Variants in NEGR1 observed in about 807,000 individuals in gnomAD.
NEGR1 encodes the protein IgLON family member 4.
Under a neutral mutation model 40.9 loss-of-function variants are expected in NEGR1, and 10 were observed. The ratio of observed to expected loss-of-function variants is 0.24; its 90% confidence interval spans 0.15 to 0.42. The LOEUF is 0.42. Ranked by LOEUF, NEGR1 falls within the 10% of genes least tolerant of loss-of-function variation. The pLI is 1.00. For synonymous variants in NEGR1, 185 were observed against 166.8 expected, an observed-to-expected ratio of 1.11 and a Z score of -0.84; for missense variants, 352 against 438.9, an observed-to-expected ratio of 0.80 and a Z score of 1.77.
At chr1:71,886,618 T>C (rs930426792) in intron 2 of NEGR1, among the ~76,000 whole-genome samples, 2 of 152,144 alleles carry the variant, frequency 1.3e-5, no homozygotes, top group African/African-American at 4.8e-5. Context: ...TCTGAAACAG[T>C]AATATAGGTG....
intron 6 of NEGR1, among the ~76,000 whole-genome samples, chr1:71,577,016 G>A (rs1343321497): frequency 6.6e-6 from 1 of 152,164 alleles, no homozygotes; most frequent in Non-Finnish European, 1.5e-5. Flanking sequence ...AGTTGTTTAA[G>A]TCATTGTTAT....
intron 1 of NEGR1, among the ~76,000 whole-genome samples, chr1:71,956,926 C>A (rs1268122514): frequency 6.6e-6 from 1 of 152,126 alleles, no homozygotes; most frequent in Non-Finnish European, 1.5e-5. Flanking sequence ...TTCCATGAAA[C>A]TACTTCCCTG....
At chr1:71,807,550 T>G (rs551193176) in intron 2 of NEGR1, among the ~76,000 whole-genome samples, 1 of 152,282 alleles carries the variant, frequency 6.6e-6, no homozygotes, top group African/African-American at 2.4e-5. Flanking sequence ...GAATTGAGGT[T>G]AATGGAAATT....
rs192198604 is a variant in NEGR1, at chr1:71,795,202, G to C, written c.410-18905C>G. On this transcript the variant is annotated intron_variant, in intron 2 of 6. Transcript: ENST00000357731. The stretch of plus-strand genomic sequence containing the variant: ...TATATCACTACAATTTCATTTCTAA[G>C]TATTTGAATGCCCTAGAGGAAATAC... 1.3e-3 allele frequency among the ~76,000 whole-genome samples: 198 copies of C among 151,906 alleles called. 1 individual carries two copies. The highest frequency in any genetic ancestry group is 3.3e-3 in the African/African-American group (136 of 41,478).
At chr1:72,238,674 T>C (rs1341412264) in intron 1 of NEGR1, among the ~76,000 whole-genome samples, 2 of 151,884 alleles carry the variant, frequency 1.3e-5, no homozygotes, top group Admixed American at 1.3e-4. Flanking sequence ...TACTGTCCTC[T>C]TTCCTTTGTG....
chr1:72,157,272 T>C (rs962382281), intron 1 of NEGR1, among the ~76,000 whole-genome samples: 1 of 152,096 alleles, frequency 6.6e-6, no homozygotes, highest in Non-Finnish European at 1.5e-5. Flanking sequence ...TGTCCAGCCC[T>C]GTTTGTTTGT....
At chr1:71,801,800 T>A (rs1318533647) in intron 2 of NEGR1, among the ~76,000 whole-genome samples, 2 of 152,234 alleles carry the variant, frequency 1.3e-5, no homozygotes, top group African/African-American at 4.8e-5. Flanking sequence ...TTATCTGTTA[T>A]GTACTGCATT....
chr1:72,057,667 A>G (rs770994680), intron 1 of NEGR1, among the ~76,000 whole-genome samples: 4 of 151,358 alleles, frequency 2.6e-5, no homozygotes, highest in Non-Finnish European at 5.9e-5. Flanking sequence ...ATAATAAAAT[A>G]CCATGAATTG....
At chr1:71,940,294 T>A (rs926090039) in intron 1 of NEGR1, among the ~76,000 whole-genome samples, 2 of 152,180 alleles carry the variant, frequency 1.3e-5, no homozygotes, top group African/African-American at 2.4e-5. Flanking sequence ...CTTTCCTTGA[T>A]AGTGGTTTTT....
chr1:71,434,906 A>T (rs1646496973), intron 6 of NEGR1, among the ~76,000 whole-genome samples: 1 of 152,164 alleles, frequency 6.6e-6, no homozygotes, highest in Admixed American at 6.5e-5. Flanking sequence ...CCTGGCTAAA[A>T]CGGTGAAACC....
intron 4 of NEGR1, among the ~76,000 whole-genome samples, chr1:71,662,813 TCA>T (rs1433987733): frequency 4.6e-5 from 7 of 151,892 alleles, no homozygotes; most frequent in Non-Finnish European, 1.0e-4. Flanking sequence ...TAAAACTAGT[TCA>T]GTTTTATTAA....
At chr1:71,788,138 T>A (rs1656979354) in intron 2 of NEGR1, among the ~76,000 whole-genome samples, 2 of 152,134 alleles carry the variant, frequency 1.3e-5, no homozygotes, top group African/African-American at 4.8e-5. Context: ...TTACCTTATC[T>A]ACTTTTCTCA....
chr1:72,269,217 T>C (rs1030585832), intron 1 of NEGR1, among the ~76,000 whole-genome samples: 23 of 151,758 alleles, frequency 1.5e-4, no homozygotes, highest in African/African-American at 5.5e-4. Context: ...TGACATGTTA[T>C]TGAAATTGGA....
intron 2 of NEGR1, among the ~76,000 whole-genome samples, chr1:71,886,045 T>A (rs576624638): frequency 6.6e-6 from 1 of 152,206 alleles, no homozygotes; most frequent in Non-Finnish European, 1.5e-5. Context: ...TTTTCACTTA[T>A]GCACTTCTGG....
intron 1 of NEGR1, among the ~76,000 whole-genome samples, chr1:72,118,077 T>C (rs1016768538): frequency 1.5e-4 from 23 of 151,954 alleles, no homozygotes; most frequent in Non-Finnish European, 2.5e-4. Flanking sequence ...GATATAATTT[T>C]TGGGGACAAG....
At chr1:71,676,505 A>G (rs899091575) in intron 4 of NEGR1, among the ~76,000 whole-genome samples, 2 of 152,188 alleles carry the variant, frequency 1.3e-5, no homozygotes, top group Non-Finnish European at 2.9e-5. Flanking sequence ...AACAATAACA[A>G]TGAACTATAA....
At chr1:71,862,300 G>A (rs1175905840) in intron 2 of NEGR1, among the ~76,000 whole-genome samples, 1 of 152,038 alleles carries the variant, frequency 6.6e-6, no homozygotes. Context: ...CCCCATAGCT[G>A]ACACTCCTAA....
chr1:71,762,159 G>C (rs1655966866), intron 3 of NEGR1, among the ~76,000 whole-genome samples: 1 of 151,872 alleles, frequency 6.6e-6, no homozygotes, highest in Non-Finnish European at 1.5e-5. Flanking sequence ...TACTTAAAAA[G>C]CTGTGCAGAG....
At chr1:71,873,871 G>T (rs1660350468) in intron 2 of NEGR1, among the ~76,000 whole-genome samples, 1 of 152,142 alleles carries the variant, frequency 6.6e-6, no homozygotes, top group African/African-American at 2.4e-5. Context: ...AAACTCTGTT[G>T]TGTTGGGCTT....
Sources: allele counts gnomAD v4.1 joint callset (sites outside exome capture counted in the v4.1 genomes callset), GRCh38; gene constraint gnomAD v4.1.1; transcripts MANE v1.5; gene names NCBI Gene and HGNC (gene_info 2026-07-23, HGNC 2026-07-21).